AATF: variants seen among roughly 807,000 people sequenced by gnomAD.
The protein encoded by AATF is protein AATF.
Under a neutral mutation model 63.7 loss-of-function variants are expected in AATF, and 48 were observed. The ratio of observed to expected loss-of-function variants is 0.75; its 90% CI spans 0.60 to 0.96. The LOEUF is 0.96. Ranked by LOEUF, AATF falls within the 40% of genes least tolerant of loss-of-function variation. The pLI is 0.00. For missense variants in AATF, 639 were observed against 685.7 expected, an observed-to-expected ratio of 0.93 and a Z score of 0.76; for synonymous variants, 258 against 247.7, an observed-to-expected ratio of 1.04 and a Z score of -0.39.
chr17:37,022,807 C>T (rs938878567), intron 10 of AATF, among the ~76,000 whole-genome samples: 1 of 152,068 alleles, frequency 6.6e-6, no homozygotes, highest in Non-Finnish European at 1.5e-5. Context: ...AAGCACTGTA[C>T]AAGTGTTTGT....
chr17:36,988,814 T>C (rs1404186113), intron 6 of AATF, 94 bp downstream of exon 6: 8 of 1,206,600 alleles, frequency 6.6e-6, no homozygotes, highest in Non-Finnish European at 9.4e-6. Flanking sequence ...TTTATATGGA[T>C]GTTGTCACGA....
chr17:36,968,267 TTTC>T lies in AATF; in HGVS notation c.832+14363_832+14365del, dbSNP rs1567968013. Among the ~76,000 whole-genome samples, 205 of 79,372 alleles carry T rather than the reference TTTC, an allele frequency of 2.6e-3. 24 individuals carry two copies. Among genetic ancestry groups the T allele is most frequent in the African/African-American group, 0.016 (200 of 12,342 alleles). The allele number at this position is 79,372 out of a possible 152,430, so 52.1% of individuals were successfully genotyped here. A position where few individuals can be genotyped will look rare whatever the true frequency, so the allele number is the denominator to read the frequency against. ...TTTTTTCTTTTTCTTTCTTTCCTTC[TTTC>T]TTTTTTTTTTTTTTTTTTTTTTTTT... On this transcript the variant is annotated intron_variant, in intron 4 of 11. Coordinates refer to ENST00000619387, the MANE Select transcript of AATF (RefSeq NM_012138.4).
chr17:37,044,832 T>G (rs1048586983), intron 11 of AATF, among the ~76,000 whole-genome samples: 1 of 152,166 alleles, frequency 6.6e-6, no homozygotes, highest in Non-Finnish European at 1.5e-5. Flanking sequence ...AAGTTTTAGA[T>G]TTCGGAGCAT....
intron 4 of AATF, among the ~76,000 whole-genome samples, chr17:36,969,200 G>A (rs149411540): frequency 9.8e-5 from 15 of 152,286 alleles, no homozygotes; most frequent in Middle Eastern, 6.8e-3. Flanking sequence ...CAATGGCAGT[G>A]TCTTTAGATC....
intron 4 of AATF, among the ~76,000 whole-genome samples, chr17:36,978,639 C>T (rs573396812): frequency 3.2e-4 from 49 of 152,128 alleles, no homozygotes; most frequent in African/African-American, 1.2e-3. Context: ...ATAGCACACA[C>T]ATTTATCTAA....
intron 4 of AATF, among the ~76,000 whole-genome samples, chr17:36,965,216 T>C (rs955681141): frequency 6.6e-6 from 1 of 152,176 alleles, no homozygotes; most frequent in Non-Finnish European, 1.5e-5. Context: ...AGGTCACAAG[T>C]CCTAAAATCA....
chr17:37,000,360 G>A (rs929345483), intron 8 of AATF, among the ~76,000 whole-genome samples: 4 of 152,052 alleles, frequency 2.6e-5, no homozygotes, highest in Non-Finnish European at 4.4e-5. Flanking sequence ...TGCTATTTAC[G>A]GAGTTGGGAA....
At chr17:37,008,210 A>G (rs577015518) in intron 8 of AATF, among the ~76,000 whole-genome samples, 1 of 152,348 alleles carries the variant, frequency 6.6e-6, no homozygotes, top group Non-Finnish European at 1.5e-5. Flanking sequence ...GATGTTCCAC[A>G]GTATTTCTGT....
intron 11 of AATF, among the ~76,000 whole-genome samples, chr17:37,032,818 A>G (rs1294699978): frequency 6.6e-6 from 1 of 152,160 alleles, no homozygotes; most frequent in Non-Finnish European, 1.5e-5. Context: ...ACGAAATAAT[A>G]TTGTTATAAT....
intron 10 of AATF, 137 bp downstream of exon 10, chr17:37,021,151 G>T: frequency 5.0e-6 from 3 of 596,230 alleles, no homozygotes; most frequent in Non-Finnish European, 8.1e-6. Context: ...AATATTTGAA[G>T]GTTTATTGCA....
rs556899586 is a variant in AATF at position 37,040,753 on chromosome 17, C to G, written c.1619+9068C>G. Among the ~76,000 whole-genome samples, 11 of 152,054 alleles carry G rather than the reference C, an allele frequency of 7.2e-5. No homozygotes were observed. The East Asian group carries it at 1.2e-3, about 16-fold the overall frequency. ...TTCTTTAGATTAAAATGCTTCCCCC[C>G]CCACGCTTTCTTTTATAGGAGAGAT... is the stretch of plus-strand genomic sequence containing the variant. On this transcript the variant is annotated intron_variant, in intron 11 of 11. Transcript: ENST00000619387.
intron 4 of AATF, among the ~76,000 whole-genome samples, chr17:36,973,588 T>A (rs2071056499): frequency 6.6e-6 from 1 of 152,232 alleles, no homozygotes; most frequent in African/African-American, 2.4e-5. Flanking sequence ...AGACATGTCC[T>A]TCAGTTTTTC....
At chr17:36,990,061 A>G (rs1358185685) in intron 7 of AATF, among the ~76,000 whole-genome samples, 1 of 152,104 alleles carries the variant, frequency 6.6e-6, no homozygotes, top group Non-Finnish European at 1.5e-5. Context: ...GGTCTTTTCT[A>G]TTTGTGTAAC....
intron 11 of AATF, among the ~76,000 whole-genome samples, chr17:37,039,986 T>G (rs571714604): frequency 3.5e-4 from 53 of 152,372 alleles, no homozygotes; most frequent in African/African-American, 1.2e-3. Context: ...TCTGCACTTA[T>G]ATTCTCATCG....
intron 8 of AATF, among the ~76,000 whole-genome samples, chr17:37,014,261 G>C (rs2071413133): frequency 7.4e-6 from 1 of 135,602 alleles, no homozygotes; most frequent in Admixed American, 7.0e-5. Flanking sequence ...GAGCAAGACT[G>C]TCTTAGTAAT....
intron 4 of AATF, among the ~76,000 whole-genome samples, chr17:36,972,590 C>CTA (rs1359730311): frequency 1.3e-5 from 2 of 151,794 alleles, no homozygotes; most frequent in Non-Finnish European, 2.9e-5. Context: ...TTTGTTACAC[C>CTA]TATATACATG....
At chr17:36,956,003 A>G (rs146413307) in intron 4 of AATF, among the ~76,000 whole-genome samples, 196 of 152,214 alleles carry the variant, frequency 1.3e-3, no homozygotes, top group African/African-American at 4.5e-3. Context: ...GTTTCAAATG[A>G]TCCTTCCGTG....
chr17:37,050,925 G>A (rs1051836854), intron 11 of AATF, among the ~76,000 whole-genome samples: 3 of 152,174 alleles, frequency 2.0e-5, no homozygotes, highest in Non-Finnish European at 2.9e-5. Context: ...GGCAAATTAT[G>A]TGTATCATTT....
intron 9 of AATF, among the ~76,000 whole-genome samples, chr17:37,020,337 G>A (rs1220403000): frequency 1.3e-5 from 2 of 151,418 alleles, no homozygotes; most frequent in African/African-American, 2.4e-5. Flanking sequence ...TATATTGAGG[G>A]GAGAAGAGTC....
Sources: allele counts gnomAD v4.1 joint callset (sites outside exome capture counted in the v4.1 genomes callset), GRCh38; gene constraint gnomAD v4.1.1; transcripts MANE v1.5; gene names NCBI Gene and HGNC (gene_info 2026-07-23, HGNC 2026-07-21).